Variants in CNTN3 observed in about 807,000 individuals in gnomAD.
The protein encoded by CNTN3 is contactin-3.
A neutral mutation model predicts 119.1 loss-of-function variants in CNTN3; 60 were observed. The ratio of observed to expected loss-of-function variants is 0.50; its 90% CI spans 0.41 to 0.62. The LOEUF (loss-of-function observed/expected upper bound fraction) is 0.62. CNTN3 is among the 20% of genes least tolerant of loss of function. The probability of loss-of-function intolerance (pLI) is 0.00; values close to 1 mark genes in which losing one functional copy is unlikely to be tolerated. For missense variants in CNTN3, 1,101 were observed against 1,242.4 expected (o/e 0.89, Z 1.71); for synonymous variants, 450 against 438.7 (o/e 1.03, Z -0.32).
At chr3:74,555,840 T>C (rs1052774395) in intron 1 of CNTN3, among the ~76,000 whole-genome samples, 1 of 152,172 alleles carries the variant, frequency 6.6e-6, no homozygotes, top group Admixed American at 6.5e-5. Flanking sequence ...TCTATTTTGT[T>C]GATCTTTTCA....
intron 3 of CNTN3, among the ~76,000 whole-genome samples, chr3:74,487,143 A>G (rs1469145689): frequency 1.3e-5 from 2 of 152,190 alleles, no homozygotes; most frequent in Non-Finnish European, 2.9e-5. Flanking sequence ...AAGCCATTAC[A>G]GTGCTATTTA....
intron 5 of CNTN3, among the ~76,000 whole-genome samples, chr3:74,380,443 A>G (rs942051430): frequency 6.6e-6 from 1 of 152,184 alleles, no homozygotes; most frequent in Admixed American, 6.6e-5. Flanking sequence ...GTAAATAACA[A>G]TTTCTTTTTC....
At position 74,336,649 on chromosome 3, in the gene CNTN3, C is replaced by A; in HGVS notation, c.1374G>T (p.Leu458Phe). The A allele has an allele frequency of 6.2e-7, 1 of 1,604,362 alleles. No individual in the cohort carries two copies. Among genetic ancestry groups the A allele is most frequent in the Non-Finnish European group, 8.5e-7 (1 of 1,174,204 alleles). Residue 458 changes from leucine (L) to phenylalanine (F), a missense_variant, in exon 12 of 23, where the codon TTG becomes TTT. Leu to Phe is a conservative substitution (Grantham distance 22). Transcript: ENST00000263665. Reference protein sequence around the residue: ...VSVQEHERISLLNDGGLKIAN... With the variant: ...VSVQEHERISFLNDGGLKIAN... The stretch of plus-strand genomic sequence containing the variant: ...CTATTTTGAGTCCTCCATCGTTTAA[C>A]AAAGAAATTCTAAAGCAAAGACAAA...
rs570281353 is a variant in CNTN3 at position 74,318,024 on chromosome 3, G to C, written c.1669-15217C>G. Reference sequence around the variant, plus strand: ...TCACATAGTCCCGTATTTCTTGGAGGCTTTGTTCGTTTCTTTCTATTCTTT... The same window carrying C: ...TCACATAGTCCCGTATTTCTTGGAGCCTTTGTTCGTTTCTTTCTATTCTTT... On this transcript the variant is annotated intron_variant, in intron 13 of 22. Coordinates refer to ENST00000263665, the MANE Select transcript of CNTN3 (RefSeq NM_020872.3). 2.6e-5 allele frequency among the ~76,000 whole-genome samples: 4 copies of C among 152,200 alleles called. No homozygotes were observed. In the East Asian group the frequency reaches 7.8e-4, roughly 30 times the overall value.
At chr3:74,322,088 A>T (rs1703009159) in intron 13 of CNTN3, among the ~76,000 whole-genome samples, 1 of 149,432 alleles carries the variant, frequency 6.7e-6, no homozygotes. Flanking sequence ...TGGGGAGCTG[A>T]GGCAGGAGAA....
intron 5 of CNTN3, among the ~76,000 whole-genome samples, chr3:74,405,458 A>G (rs1705301842): frequency 1.3e-5 from 2 of 152,182 alleles, no homozygotes; most frequent in Admixed American, 6.5e-5. Context: ...TGTTTTAGTA[A>G]TTCATAGGGC....
chr3:74,278,277 T>G (rs943981035), intron 20 of CNTN3, among the ~76,000 whole-genome samples: 4 of 151,942 alleles, frequency 2.6e-5, no homozygotes, highest in Non-Finnish European at 5.9e-5. Context: ...AAAATTCATA[T>G]AGAATCAAAA....
At chr3:74,344,159 G>C (rs1703617616) in intron 11 of CNTN3, among the ~76,000 whole-genome samples, 1 of 152,120 alleles carries the variant, frequency 6.6e-6, no homozygotes, top group Non-Finnish European at 1.5e-5. Context: ...TTTGTACATA[G>C]TAGTTTTTTT....
At chr3:74,375,440 T>TAATG (rs1204700689) in intron 5 of CNTN3, among the ~76,000 whole-genome samples, 1 of 152,264 alleles carries the variant, frequency 6.6e-6, no homozygotes, top group African/African-American at 2.4e-5. Flanking sequence ...GTCGACATTC[T>TAATG]AATGCCTGAA....
At chr3:74,450,502 GT>G (rs35264458) in intron 4 of CNTN3, among the ~76,000 whole-genome samples, 74,628 of 128,088 alleles carry the variant, frequency 0.58, 18,721 homozygotes, top group African/African-American at 0.6. Context: ...CTGAAGCCCT[GT>G]TTTTTTTTTT....
intron 1 of CNTN3, among the ~76,000 whole-genome samples, chr3:74,597,728 G>C (rs1243591447): frequency 6.6e-6 from 1 of 151,988 alleles, no homozygotes; most frequent in Non-Finnish European, 1.5e-5. Flanking sequence ...CTTTGCAGGT[G>C]ATACTTCTAA....
chr3:74,515,802 A>G (rs1703440370), intron 2 of CNTN3, among the ~76,000 whole-genome samples: 2 of 152,038 alleles, frequency 1.3e-5, no homozygotes, highest in South Asian at 2.1e-4. Context: ...CCTTTCAGCA[A>G]CCCAACCTTC....
rs62268683 is a variant in CNTN3, at chr3:74,492,490, T to C, written c.183-5859A>G. On this transcript the variant is annotated intron_variant, in intron 3 of 22. Transcript: ENST00000263665. ...CCTAATAAAATATAATGGTGGAGTC[T>C]AAAGCAGATTTCCACCTATAAATGA... is the stretch of plus-strand genomic sequence containing the variant. Among the ~76,000 whole-genome samples the C allele has an allele frequency of 4.5e-3, 685 of 152,342 alleles. 3 individuals carry two copies. The highest frequency in any genetic ancestry group is 6.1e-3 in the Non-Finnish European group (415 of 68,020).
At chr3:74,462,311 A>G (rs1047399977) in intron 4 of CNTN3, among the ~76,000 whole-genome samples, 11 of 152,092 alleles carry the variant, frequency 7.2e-5, no homozygotes, top group African/African-American at 2.4e-4. Flanking sequence ...AATGTGAAAT[A>G]AGGCTCAAAT....
chr3:74,287,179 G>A (rs569694932), intron 19 of CNTN3, among the ~76,000 whole-genome samples: 2 of 152,222 alleles, frequency 1.3e-5, no homozygotes, highest in Admixed American at 6.5e-5. Context: ...ATTTCTTGAT[G>A]AGGCAATACA....
intron 5 of CNTN3, among the ~76,000 whole-genome samples, chr3:74,390,175 AG>A (rs1559577519): frequency 6.6e-6 from 1 of 152,226 alleles, no homozygotes. Flanking sequence ...CTCATTAAGA[AG>A]CATTACTCCA....
intron 4 of CNTN3, among the ~76,000 whole-genome samples, chr3:74,484,842 C>T (rs891296260): frequency 6.6e-6 from 1 of 152,104 alleles, no homozygotes; most frequent in Non-Finnish European, 1.5e-5. Context: ...TTATTATCAA[C>T]CAAATGATGT....
At chr3:74,305,664 G>A (rs189278985) in intron 13 of CNTN3, among the ~76,000 whole-genome samples, 58 of 151,454 alleles carry the variant, frequency 3.8e-4, no homozygotes, top group South Asian at 1.0e-3. Flanking sequence ...GATCATGACC[G>A]ATCATATGAG....
chr3:74,298,013 T>C lies in CNTN3; in HGVS notation c.2345A>G (p.Asn782Ser). The C allele has an allele frequency of 6.2e-7, 1 of 1,614,092 alleles. No individual in the cohort carries two copies. Among genetic ancestry groups the C allele is most frequent in the Non-Finnish European group, 8.5e-7 (1 of 1,179,962 alleles). The change falls in exon 18 of 23, where the codon AAT becomes AGT. Residue 782 changes from asparagine (N) to serine (S), a missense_variant. Coordinates refer to ENST00000263665, the MANE Select transcript of CNTN3 (RefSeq NM_020872.3). ...SPYEVKVGVY[N>S]NKGEGPFSPV... The stretch of plus-strand genomic sequence containing the variant: ...GCTAAATGGTCCTTCACCTTTGTTA[T>C]TATAAACACCCACTTTAACTTCATA...
Sources: gnomAD v4.1 joint callset for allele counts (sites outside exome capture counted in the v4.1 genomes callset) on GRCh38, gnomAD v4.1.1 for gene constraint, MANE v1.5 for transcripts, NCBI Gene and HGNC (gene_info 2026-07-23, HGNC 2026-07-21) for gene names.